Variants in WDFY4 observed in about 807,000 individuals in gnomAD.
WDFY4 encodes the protein WD repeat- and FYVE domain-containing protein 4.
Under a neutral mutation model 351.9 loss-of-function variants are expected in WDFY4, and 169 were observed. The observed-to-expected ratio is 0.48, with a 90% CI of 0.42 to 0.55. WDFY4 has a LOEUF of 0.55. WDFY4 is among the 20% of genes least tolerant of loss of function. WDFY4 has a pLI of 0.00. For synonymous variants in WDFY4, 1,622 were observed against 1,574.6 expected (o/e 1.03, Z -0.71); for missense variants, 3,803 against 3,935.6 (o/e 0.97, Z 0.90).
chr10:48,969,117 A>C lies in WDFY4; in HGVS notation c.8638A>C (p.Ile2880Leu). The change falls in exon 56 of 62, where the codon ATT (isoleucine) becomes CTT (leucine). Residue 2880 changes from isoleucine (I) to leucine (L), a missense_variant. By Grantham distance (5) the Ile-to-Leu change is conservative (BLOSUM62 2). Around this residue, in one of 3 missense-constraint regions of WDFY4, gnomAD observed 3,054 missense variants for 3,148.6 expected, o/e 0.97. Transcript: ENST00000325239. ...SESPKGAIGH[I>L]VSTEKTILAV... ...GTCCCCCAAAGGGGCCATTGGCCAC[A>C]TTGTCTCTACTGAGAAGACCATTCT... 1 of 1,551,762 alleles carries C rather than the reference A, an allele frequency of 6.4e-7. No homozygotes were observed. Among genetic ancestry groups the C allele is most frequent in the Admixed American group, 2.0e-5 (1 of 51,004 alleles).
At chr10:48,804,583 GAC>G (rs1186187688) in intron 25 of WDFY4, among the ~76,000 whole-genome samples, 1 of 131,786 alleles carries the variant, frequency 7.6e-6, no homozygotes, top group Non-Finnish European at 1.6e-5. Flanking sequence ...AAAAAAAAAA[GAC>G]AGTTCAAAGT....
intron 33 of WDFY4, 142 bp from the exon 34 acceptor site, chr10:48,820,920 C>A: frequency 1.6e-6 from 1 of 633,026 alleles, no homozygotes; most frequent in Non-Finnish European, 2.8e-6. Flanking sequence ...GAGGGTGGGC[C>A]CCCAGAGAAG....
intron 20 of WDFY4, among the ~76,000 whole-genome samples, chr10:48,787,843 TTCTTC>T (rs2066466548): frequency 1.4e-5 from 2 of 140,266 alleles, no homozygotes; most frequent in African/African-American, 6.2e-5. Flanking sequence ...CTTCTTCTTC[TTCTTC>T]TTCTTCTTCT....
At chr10:48,806,706 G>A (rs1324708722) in intron 27 of WDFY4, among the ~76,000 whole-genome samples, 4 of 152,324 alleles carry the variant, frequency 2.6e-5, no homozygotes, top group Non-Finnish European at 4.4e-5. Context: ...CCTCTGCTAG[G>A]GCAGTGTGAT....
intron 12 of WDFY4, among the ~76,000 whole-genome samples, chr10:48,753,181 A>G (rs115541849): frequency 3.4e-3 from 519 of 152,248 alleles, no homozygotes; most frequent in African/African-American, 0.012. Context: ...GGAAACGTCT[A>G]TTCAAGGGCT....
intron 13 of WDFY4, among the ~76,000 whole-genome samples, chr10:48,763,446 G>A (rs1324687149): frequency 7.2e-5 from 11 of 152,316 alleles, no homozygotes; most frequent in Admixed American, 2.0e-4. Context: ...TTCATACAAC[G>A]CATTGTACTT....
At chr10:48,753,399 C>A (rs1448264891) in intron 12 of WDFY4, among the ~76,000 whole-genome samples, 1 of 152,052 alleles carries the variant, frequency 6.6e-6, no homozygotes, top group Non-Finnish European at 1.5e-5. Context: ...ATTTTTTCTT[C>A]TGTTACTTGT....
chr10:48,861,509 A>G (rs2069342201), intron 39 of WDFY4, among the ~76,000 whole-genome samples: 1 of 152,192 alleles, frequency 6.6e-6, no homozygotes, highest in Non-Finnish European at 1.5e-5. Context: ...CACTTGAGAA[A>G]TACTGTGCCA....
chr10:48,955,682 G>T (rs1455516255), intron 51 of WDFY4, among the ~76,000 whole-genome samples: 1 of 152,248 alleles, frequency 6.6e-6, no homozygotes, highest in Non-Finnish European at 1.5e-5. Flanking sequence ...TGATGCAGCT[G>T]CTGTGAGGAT....
rs1385407175 is a variant in WDFY4, at chr10:48,920,923, T to A, written c.7586+19060T>A. Among the ~76,000 whole-genome samples the A allele has an allele frequency of 3.3e-5, 5 of 152,264 alleles. No homozygotes were observed. In the East Asian group the frequency reaches 9.7e-4, roughly 29 times the overall value. On this transcript the variant is annotated intron_variant, in intron 47 of 61. Coordinates refer to ENST00000325239, the MANE Select transcript of WDFY4 (RefSeq NM_001394531.1). ...ATAATGCTCCAAATAATAAAATACT[T>A]CTATATTTCACATAAATAACCAAAA...
At chr10:48,936,950 A>C (rs1040500330) in intron 47 of WDFY4, among the ~76,000 whole-genome samples, 2 of 150,338 alleles carry the variant, frequency 1.3e-5, no homozygotes, top group African/African-American at 4.9e-5. Context: ...ACATAGTCTC[A>C]CTCTTGTCAC....
chr10:48,976,559 C>A, intron 58 of WDFY4: 1 of 316,142 alleles, frequency 3.2e-6, no homozygotes, highest in South Asian at 1.5e-4. Context: ...CAGGTGCCTT[C>A]TGCCAGGAAA....
chr10:48,821,312 A>G (rs1041518676), intron 34 of WDFY4, 136 bp downstream of exon 34: 19 of 656,284 alleles, frequency 2.9e-5, no homozygotes, highest in African/African-American at 1.4e-4. Flanking sequence ...TCCAGGCATC[A>G]TCAACAAGAA....
chr10:48,703,672 C>T (rs2063542847), intron 1 of WDFY4, among the ~76,000 whole-genome samples: 1 of 152,150 alleles, frequency 6.6e-6, no homozygotes, highest in Admixed American at 6.5e-5. Flanking sequence ...TCACATCTCA[C>T]ATTCTGAGAC....
intron 27 of WDFY4, among the ~76,000 whole-genome samples, chr10:48,806,912 T>C (rs2067276018): frequency 6.6e-6 from 1 of 152,238 alleles, no homozygotes; most frequent in Non-Finnish European, 1.5e-5. Context: ...GGCTACTCTA[T>C]TGGACAAGGT....
chr10:48,932,859 A>T (rs1385660382), intron 47 of WDFY4, among the ~76,000 whole-genome samples: 2 of 152,190 alleles, frequency 1.3e-5, no homozygotes, highest in African/African-American at 4.8e-5. Context: ...AATGCTAAGA[A>T]GAAGCCACAT....
At chr10:48,955,450 CCT>C (rs1841540711) in intron 51 of WDFY4, among the ~76,000 whole-genome samples, 2 of 152,210 alleles carry the variant, frequency 1.3e-5, no homozygotes, top group Non-Finnish European at 2.9e-5. Flanking sequence ...TAGGTTCCCC[CCT>C]CTCAGAAAGA....
intron 12 of WDFY4, among the ~76,000 whole-genome samples, chr10:48,753,977 AGT>A (rs1429117522): frequency 6.6e-6 from 1 of 152,148 alleles, no homozygotes; most frequent in Non-Finnish European, 1.5e-5. Context: ...ATCATGAAAG[AGT>A]GTGAGATTTT....
intron 39 of WDFY4, among the ~76,000 whole-genome samples, chr10:48,834,907 C>T (rs2068330585): frequency 6.6e-6 from 1 of 152,196 alleles, no homozygotes; most frequent in South Asian, 2.1e-4. Context: ...GAGTAGACCA[C>T]CATGTTTAGG....
Sources: gnomAD v4.1 joint callset for allele counts (sites outside exome capture counted in the v4.1 genomes callset) on GRCh38, gnomAD v4.1.1 for gene constraint, gnomAD v4.1.1 regional missense constraint, MANE v1.5 for transcripts, NCBI Gene and HGNC (gene_info 2026-07-23, HGNC 2026-07-21) for gene names.